PHKB: variants seen among roughly 807,000 people sequenced by gnomAD.
PHKB encodes the protein phosphorylase kinase regulatory subunit beta.
PHKB carries 122 observed loss-of-function variants against 152.1 expected under a neutral mutation model. That is an observed-to-expected ratio of 0.80 (90% CI 0.69 to 0.93). The LOEUF (loss-of-function observed/expected upper bound fraction) is 0.93. PHKB is among the 40% of genes least tolerant of loss of function. The probability of loss-of-function intolerance (pLI) is 0.00; values close to 1 mark genes in which losing one functional copy is unlikely to be tolerated. For synonymous variants in PHKB, 436 were observed against 464.9 expected, an observed-to-expected ratio of 0.94 and a Z score of 0.80; for missense variants, 1,304 against 1,328.4, an observed-to-expected ratio of 0.98 and a Z score of 0.29.
intron 6 of PHKB, among the ~76,000 whole-genome samples, chr16:47,526,979 C>G (rs1479204674): frequency 6.6e-6 from 1 of 152,138 alleles, no homozygotes; most frequent in African/African-American, 2.4e-5. Flanking sequence ...GTCACATGGC[C>G]AGAGCAGGAG....
intron 25 of PHKB, among the ~76,000 whole-genome samples, chr16:47,667,576 C>T (rs555316086): frequency 6.6e-6 from 1 of 152,284 alleles, no homozygotes; most frequent in South Asian, 2.1e-4. Context: ...AGTAACTTAT[C>T]TAGTGCCTTT....
chr16:47,566,388 A>G (rs1196294124), intron 7 of PHKB: 13 of 1,560,410 alleles, frequency 8.3e-6, no homozygotes, highest in Non-Finnish European at 1.1e-5. Context: ...TTGATCAGCA[A>G]CGTCCACTCA....
rs144159196 is a variant in PHKB, at chr16:47,641,640, C to A, written c.1556C>A (p.Thr519Asn). The A allele has an allele frequency of 2.5e-6, 4 of 1,607,176 alleles. No individual in the cohort carries two copies. The highest frequency in any genetic ancestry group is 3.4e-6 in the Non-Finnish European group (4 of 1,173,660). The change falls in exon 16 of 31, where the codon ACT becomes AAT. Residue 519 changes from threonine to asparagine, a missense_variant. Coordinates refer to ENST00000323584, the MANE Select transcript of PHKB (RefSeq NM_000293.3). ...AACACATATGGTATTCAAACTCAAA[C>A]TCCTCAACAAGTAGAACCCATTCAG... is the stretch of plus-strand genomic sequence containing the variant. ...FLNTYGIQTQ[T>N]PQQVEPIQIW... is the part of the protein sequence containing the mutation.
chr16:47,506,027 C>CA (rs1198434467), intron 4 of PHKB, among the ~76,000 whole-genome samples: 570 of 49,912 alleles, frequency 0.011, 2 homozygotes, highest in African/African-American at 0.013. Context: ...GAAACTGTCT[C>CA]AAAAAAAAAA....
chr16:47,595,094 G>C (rs1046376314), intron 12 of PHKB, among the ~76,000 whole-genome samples: 1 of 152,150 alleles, frequency 6.6e-6, no homozygotes, highest in African/African-American at 2.4e-5. Flanking sequence ...ATAATCACTT[G>C]TCCAATGTGA....
At chr16:47,480,886 A>G (rs1969952599) in intron 1 of PHKB, among the ~76,000 whole-genome samples, 1 of 152,226 alleles carries the variant, frequency 6.6e-6, no homozygotes, top group African/African-American at 2.4e-5. Context: ...AAAAATTTTA[A>G]GCCAAACTAG....
intron 5 of PHKB, among the ~76,000 whole-genome samples, chr16:47,513,270 T>A (rs1970540523): frequency 6.6e-6 from 1 of 152,148 alleles, no homozygotes; most frequent in African/African-American, 2.4e-5. Context: ...TAGAGGTCCC[T>A]GTAAAAGGCT....
intron 6 of PHKB, among the ~76,000 whole-genome samples, chr16:47,538,423 G>A (rs551599719): frequency 3.7e-4 from 56 of 152,298 alleles, no homozygotes; most frequent in Non-Finnish European, 6.5e-4. Flanking sequence ...GGGATGTACT[G>A]TTCTACCCTT....
chr16:47,667,322 T>G (rs1973556927), intron 25 of PHKB, among the ~76,000 whole-genome samples: 1 of 151,946 alleles, frequency 6.6e-6, no homozygotes, highest in African/African-American at 2.4e-5. Flanking sequence ...TTGGTTTCAG[T>G]GCCTTGGGAA....
At chr16:47,682,022 G>A (rs1973867955) in intron 26 of PHKB, among the ~76,000 whole-genome samples, 1 of 152,142 alleles carries the variant, frequency 6.6e-6, no homozygotes, top group South Asian at 2.1e-4. Context: ...CTTCACTTAT[G>A]AAGCTTAGTT....
chr16:47,636,685 G>A (rs896882219), intron 14 of PHKB, among the ~76,000 whole-genome samples: 3 of 152,254 alleles, frequency 2.0e-5, no homozygotes, highest in Admixed American at 1.3e-4. Context: ...GGCTTTGAGC[G>A]CCGATGAGCA....
intron 6 of PHKB, 71 bp downstream of exon 6, chr16:47,515,672 A>C: frequency 2.7e-6 from 2 of 753,344 alleles, no homozygotes; most frequent in Non-Finnish European, 2.4e-6. Context: ...TTTAGTTTTC[A>C]CAACTTATTT....
At chr16:47,591,613 C>G (rs1484912028) in intron 10 of PHKB, among the ~76,000 whole-genome samples, 1 of 152,122 alleles carries the variant, frequency 6.6e-6, no homozygotes, top group Non-Finnish European at 1.5e-5. Flanking sequence ...AGGGCCCATC[C>G]ACAGCCCTAG....
At chr16:47,629,940 C>T (rs146861691) in intron 14 of PHKB, among the ~76,000 whole-genome samples, 2,232 of 151,450 alleles carry the variant, frequency 0.015, 25 homozygotes, top group Middle Eastern at 0.048. Flanking sequence ...AACCAAACAC[C>T]GCATATTCTC....
At chr16:47,536,576 C>G (rs1012496009) in intron 6 of PHKB, among the ~76,000 whole-genome samples, 1 of 152,074 alleles carries the variant, frequency 6.6e-6, no homozygotes, top group Admixed American at 6.5e-5. Flanking sequence ...GTTTTGATAC[C>G]TTTTATTATA....
At chr16:47,527,870 C>T (rs1032519972) in intron 6 of PHKB, among the ~76,000 whole-genome samples, 1 of 152,142 alleles carries the variant, frequency 6.6e-6, no homozygotes, top group Non-Finnish European at 1.5e-5. Context: ...GACAAAGCAG[C>T]AGGAGGATGG....
chr16:47,605,898 ACTCTG>A (rs1173728500), intron 13 of PHKB, among the ~76,000 whole-genome samples: 1 of 152,112 alleles, frequency 6.6e-6, no homozygotes, highest in Non-Finnish European at 1.5e-5. Context: ...AAGAGCCCAG[ACTCTG>A]GGAGTCGACT....
intron 6 of PHKB, among the ~76,000 whole-genome samples, chr16:47,527,761 A>C (rs1375891854): frequency 6.6e-6 from 1 of 152,162 alleles, no homozygotes; most frequent in Non-Finnish European, 1.5e-5. Flanking sequence ...CCTTGGGTGA[A>C]ACCTAATCCA....
At chr16:47,593,982 A>C (rs1972075570) in intron 11 of PHKB, among the ~76,000 whole-genome samples, 155 bp from the exon 12 acceptor site, 1 of 152,222 alleles carries the variant, frequency 6.6e-6, no homozygotes, top group Non-Finnish European at 1.5e-5. Flanking sequence ...GAAAAATATC[A>C]CACAGATTTG....
Sources: allele counts gnomAD v4.1 joint callset (sites outside exome capture counted in the v4.1 genomes callset), GRCh38; gene constraint gnomAD v4.1.1; transcripts MANE v1.5; gene names NCBI Gene and HGNC (gene_info 2026-07-23, HGNC 2026-07-21).